TNFRSF10D: variants seen among roughly 807,000 people sequenced by gnomAD.
TNFRSF10D encodes the protein TNF receptor superfamily member 10d.
In TNFRSF10D, 28 loss-of-function variants were observed where a neutral mutation model predicts 42.1. The observed-to-expected ratio is 0.66, with a 90% confidence interval of 0.49 to 0.91. The LOEUF is 0.91. TNFRSF10D is among the 40% of genes least tolerant of loss of function. The pLI is 0.00. For missense variants in TNFRSF10D, 503 were observed against 486.1 expected, an observed-to-expected ratio of 1.03 and a Z score of -0.33; for synonymous variants, 186 against 189.4, an observed-to-expected ratio of 0.98 and a Z score of 0.15.
intron 7 of TNFRSF10D, among the ~76,000 whole-genome samples, chr8:23,139,019 G>A (rs1481745298): frequency 6.6e-6 from 1 of 151,938 alleles, no homozygotes; most frequent in African/African-American, 2.4e-5. Context: ...TTAAAATGAG[G>A]CAAGACTTTT....
chr8:23,157,005 T>C (rs1307961564), intron 1 of TNFRSF10D, among the ~76,000 whole-genome samples: 757 of 151,898 alleles, frequency 5.0e-3, no homozygotes, highest in African/African-American at 0.016. Context: ...CATATTTTTC[T>C]TTTTTTGACA....
Position 23,138,255 on chromosome 8 carries a change from C to A in TNFRSF10D, c.960G>T (p.Gln320His), listed in dbSNP as rs1426782395. 1 of 1,614,116 alleles carries A rather than the reference C, an allele frequency of 6.2e-7. No homozygotes were observed. The highest frequency in any genetic ancestry group is 8.5e-7 in the Non-Finnish European group (1 of 1,180,050). ...LPEEPQRLLE[Q>H]AEAEGCQRRR... ...TCCTCTGACACCCTTCAGCTTCTGC[C>A]TGTTCCTGTAACACACAGTGGGGAA... is the stretch of plus-strand genomic sequence containing the variant. The change falls in exon 8 of 9, where the codon CAG becomes CAT. Residue 320 changes from glutamine (Q) to histidine (H), a missense_variant. Gln to His is a conservative substitution (Grantham distance 24). Coordinates refer to ENST00000312584, the MANE Select transcript of TNFRSF10D (RefSeq NM_003840.5).
intron 6 of TNFRSF10D, 124 bp downstream of exon 6, chr8:23,144,934 C>T (rs756155610): frequency 4.9e-5 from 70 of 1,426,852 alleles, no homozygotes; most frequent in Non-Finnish European, 6.3e-5. Flanking sequence ...CCAGATCCCC[C>T]AGGCCATGTC....
chr8:23,163,750 G>C (rs200239385), intron 1 of TNFRSF10D, 36 bp downstream of exon 1: 8 of 1,599,334 alleles, frequency 5.0e-6, no homozygotes, highest in Non-Finnish European at 6.0e-6. Context: ...CGCCAGGTGC[G>C]CTCTTCCCCA....
intron 2 of TNFRSF10D, among the ~76,000 whole-genome samples, chr8:23,152,324 A>C (rs1800222125): frequency 6.6e-6 from 1 of 152,202 alleles, no homozygotes; most frequent in Non-Finnish European, 1.5e-5. Context: ...GTGTGTGGGG[A>C]GCAAGAGACA....
chr8:23,143,633 G>C (rs1213813568), intron 7 of TNFRSF10D, among the ~76,000 whole-genome samples: 4 of 152,136 alleles, frequency 2.6e-5, no homozygotes, highest in African/African-American at 9.7e-5. Context: ...GTAAGTATTT[G>C]ACAAGTGATC....
chr8:23,154,438 A>G (rs1356040823), intron 2 of TNFRSF10D, among the ~76,000 whole-genome samples: 3 of 152,304 alleles, frequency 2.0e-5, no homozygotes, highest in African/African-American at 7.2e-5. Context: ...CACCCCAGGT[A>G]CATATGCTTT....
In TNFRSF10D at chr8:23,137,570, G is replaced by A. The variant is rs1040975343; in HGVS notation, c.*300C>T. 1.8e-5 allele frequency: 4 copies of A among 223,890 alleles called. No individual in the cohort carries two copies. The highest frequency in any genetic ancestry group is 9.1e-5 in the African/African-American group (4 of 43,922). 13.9% of individuals were successfully genotyped at this position (223,890 alleles called of 1,614,324 possible). A position where few individuals can be genotyped will look rare whatever the true frequency, so the allele number is the denominator to read the frequency against. On this transcript the variant is annotated 3_prime_UTR_variant, in exon 9 of 9. Coordinates refer to ENST00000312584, the MANE Select transcript of TNFRSF10D (RefSeq NM_003840.5). Reference sequence around the variant, plus strand: ...TCCACCTGCCTCAGCCTATCAAAGTGCTGGGATTACAGGCATGAGCCACCG... The same window carrying A: ...TCCACCTGCCTCAGCCTATCAAAGTACTGGGATTACAGGCATGAGCCACCG...
chr8:23,145,719 CA>C lies in TNFRSF10D; in HGVS notation c.684del (p.Gly229AlafsTer52), dbSNP rs1412465367. 6.2e-7 allele frequency: 1 copy of C among 1,614,094 alleles called. No homozygotes were observed. The highest frequency in any genetic ancestry group is 8.5e-7 in the Non-Finnish European group (1 of 1,180,032). ...ATGAATTTCTTCCGACATGAAAAGC[CA>C]ACCACAACCACAGCTAAAATGATGA... ...VLVIILAVVVVGFSCRKKFIS... is the reference protein window; with the variant it reads ...VLVIILAVVVXGFSCRKKFIS... On this transcript the variant is annotated frameshift_variant, in exon 5 of 9. Coordinates refer to ENST00000312584, the MANE Select transcript of TNFRSF10D (RefSeq NM_003840.5). LOFTEE classifies it high-confidence loss of function.
chr8:23,140,535 T>C (rs1021833797), intron 7 of TNFRSF10D, among the ~76,000 whole-genome samples: 1 of 152,110 alleles, frequency 6.6e-6, no homozygotes, highest in Non-Finnish European at 1.5e-5. Context: ...TGCTCATGGA[T>C]TGGAAGAATT....
chr8:23,138,293 A>T, intron 7 of TNFRSF10D, 33 bp from the exon 8 acceptor site: 1 of 1,613,534 alleles, frequency 6.2e-7, no homozygotes, highest in Non-Finnish European at 8.5e-7. Context: ...CTCTGGTCAG[A>T]GTCAGGAGTC....
At position 23,145,075 on chromosome 8, in the gene TNFRSF10D, G is replaced by A. The variant is rs1405402620; in HGVS notation, c.751C>T (p.Pro251Ser). The A allele has an allele frequency of 6.2e-6, 10 of 1,614,074 alleles. No homozygotes were observed. In the Middle Eastern group the frequency reaches 8.2e-4, roughly 133 times the overall value. Residue 251 changes from proline to serine, a missense_variant, in exon 6 of 9, where the codon CCC becomes TCC. Physicochemically the swap from Pro to Ser is moderately conservative, Grantham distance 74. Coordinates refer to ENST00000312584, the MANE Select transcript of TNFRSF10D (RefSeq NM_003840.5). Reference sequence around the variant, plus strand: ...CAACTCACTCTGTGCACACGTTCGGGACCTCCTCCACCACCTGGAAAAGAA... The same window carrying A: ...CAACTCACTCTGTGCACACGTTCGGAACCTCCTCCACCACCTGGAAAAGAA... ...KGICSGGGGG[P>S]ERVHRVLFRR... is the part of the protein sequence containing the mutation.
intron 3 of TNFRSF10D, 79 bp from the exon 4 acceptor site, chr8:23,147,151 C>G (rs1800132022): frequency 8.3e-7 from 1 of 1,207,548 alleles, no homozygotes; most frequent in Middle Eastern, 2.2e-4. Context: ...CCATCCCCTC[C>G]CACTCAGCTC....
Position 23,138,204 on chromosome 8 carries a change from G to A in TNFRSF10D, c.1011C>T (p.Asp337=), listed in dbSNP as rs760336015. 8.1e-6 allele frequency: 13 copies of A among 1,614,094 alleles called. No homozygotes were observed. The highest frequency in any genetic ancestry group is 6.7e-5 in the East Asian group (3 of 44,896). ...AACACTTACTGTCAGCGGAGTCAGC[G>A]TCATTCACTGGAACCAGCAGCCTCC... ...QRRRLLVPVN[D]ADSADISTLL... The change falls in exon 8 of 9, where the codon GAC becomes GAT. Residue 337 remains aspartate, a synonymous_variant. Transcript: ENST00000312584.
intron 4 of TNFRSF10D, 89 bp downstream of exon 4, chr8:23,146,872 A>T: frequency 2.6e-6 from 3 of 1,153,584 alleles, no homozygotes; most frequent in Non-Finnish European, 3.9e-6. Flanking sequence ...TGGAGGATCC[A>T]TGGGGTCAGC....
chr8:23,163,147 T>TA (rs1563365185), intron 1 of TNFRSF10D, among the ~76,000 whole-genome samples: 8 of 130,378 alleles, frequency 6.1e-5, no homozygotes, highest in African/African-American at 2.1e-4. Flanking sequence ...TTGACCAGGC[T>TA]GGAGTGCGAT....
At chr8:23,154,235 G>A (rs894751440) in intron 2 of TNFRSF10D, among the ~76,000 whole-genome samples, 1 of 152,232 alleles carries the variant, frequency 6.6e-6, no homozygotes, top group African/African-American at 2.4e-5. Context: ...TTGGAGAGAT[G>A]CTGGTCAAAG....
intron 2 of TNFRSF10D, among the ~76,000 whole-genome samples, chr8:23,152,757 T>C (rs974961517): frequency 6.6e-6 from 1 of 152,190 alleles, no homozygotes; most frequent in Non-Finnish European, 1.5e-5. Flanking sequence ...TGTTCATGGA[T>C]TAGAAAACTC....
chr8:23,148,363 G>A (rs548842382), intron 3 of TNFRSF10D, 75 bp downstream of exon 3: 20 of 1,167,340 alleles, frequency 1.7e-5, no homozygotes, highest in East Asian at 1.3e-4. Flanking sequence ...TTGGTTCCCC[G>A]ACTCACATCG....
Sources: allele counts gnomAD v4.1 joint callset (sites outside exome capture counted in the v4.1 genomes callset), GRCh38; gene constraint gnomAD v4.1.1; transcripts MANE v1.5; gene names NCBI Gene and HGNC (gene_info 2026-07-23, HGNC 2026-07-21).